HSPA12A: variants seen among roughly 807,000 people sequenced by gnomAD.
The protein encoded by HSPA12A is heat shock protein family A (Hsp70) member 12A.
A neutral mutation model predicts 69.2 loss-of-function variants in HSPA12A; 28 were observed. The observed-to-expected ratio is 0.40, with a 90% confidence interval of 0.30 to 0.55. HSPA12A has a LOEUF of 0.55. Ranked by LOEUF, HSPA12A falls within the 20% of genes least tolerant of loss-of-function variation. HSPA12A has a pLI of 0.38. For synonymous variants in HSPA12A, 345 were observed against 370.5 expected (o/e 0.93, Z 0.79); for missense variants, 686 against 900.7 (o/e 0.76, Z 3.05).
intron 2 of HSPA12A, among the ~76,000 whole-genome samples, chr10:116,785,107 G>A (rs1451997731): frequency 2.6e-5 from 4 of 152,142 alleles, no homozygotes; most frequent in African/African-American, 9.7e-5. Context: ...GCCTTTGGGA[G>A]GGGCGTCCTG....
At chr10:116,816,694 T>G (rs1324857952) in intron 2 of HSPA12A, among the ~76,000 whole-genome samples, 1 of 152,226 alleles carries the variant, frequency 6.6e-6, no homozygotes, top group Non-Finnish European at 1.5e-5. Context: ...CACTCATGAT[T>G]TTTTTAAATG....
At chr10:116,694,684 G>A (rs781925860) in intron 5 of HSPA12A, among the ~76,000 whole-genome samples, 57 of 152,210 alleles carry the variant, frequency 3.7e-4, no homozygotes, top group Non-Finnish European at 7.1e-4. Flanking sequence ...GCCCCTGTGC[G>A]CTCTGCACTC....
intron 1 of HSPA12A, among the ~76,000 whole-genome samples, chr10:116,836,726 T>A (rs1845717067): frequency 6.6e-6 from 1 of 151,968 alleles, no homozygotes; most frequent in South Asian, 2.1e-4. Flanking sequence ...TCTTCCCTGC[T>A]ATATGGTATG....
chr10:116,816,708 T>G (rs1392314806), intron 2 of HSPA12A, among the ~76,000 whole-genome samples: 2 of 151,982 alleles, frequency 1.3e-5, no homozygotes, highest in Non-Finnish European at 2.9e-5. Context: ...TTAAATGGGG[T>G]TTTTCCTTCT....
At chr10:116,795,514 C>T (rs28434402) in intron 2 of HSPA12A, among the ~76,000 whole-genome samples, 4 of 83,238 alleles carry the variant, frequency 4.8e-5, no homozygotes, top group Non-Finnish European at 8.4e-5. Context: ...CCTGCCGCTA[C>T]TAAAAAAAAA....
intron 1 of HSPA12A, among the ~76,000 whole-genome samples, chr10:116,726,940 C>T (rs1589664789): frequency 1.3e-5 from 2 of 152,200 alleles, no homozygotes; most frequent in South Asian, 4.1e-4. Flanking sequence ...TCCCTCAGAT[C>T]TCCATAATTC....
upstream of HSPA12A, among the ~76,000 whole-genome samples, chr10:116,743,005 C>G (rs1235253445): frequency 4.6e-5 from 7 of 152,116 alleles, no homozygotes; most frequent in African/African-American, 1.7e-4. Flanking sequence ...TGTCTGTCCC[C>G]CAGGGTCCCA....
intron 2 of HSPA12A, among the ~76,000 whole-genome samples, chr10:116,794,149 G>A (rs1844764070): frequency 1.3e-5 from 2 of 152,020 alleles, no homozygotes; most frequent in Non-Finnish European, 2.9e-5. Flanking sequence ...AGCTTGCAGT[G>A]AGCCGAGATC....
chr10:116,800,810 T>G (rs1249764549), intron 2 of HSPA12A, among the ~76,000 whole-genome samples: 3 of 152,168 alleles, frequency 2.0e-5, no homozygotes, highest in Admixed American at 6.5e-5. Flanking sequence ...TGAGGAAGAC[T>G]CATCGGAATG....
intron 2 of HSPA12A, among the ~76,000 whole-genome samples, chr10:116,807,980 A>G (rs1219045470): frequency 6.6e-6 from 1 of 152,172 alleles, no homozygotes; most frequent in Non-Finnish European, 1.5e-5. Flanking sequence ...CCTGCCTGCT[A>G]CAGTCTAACA....
chr10:116,782,956 T>C (rs11197819), intron 2 of HSPA12A, among the ~76,000 whole-genome samples: 2,905 of 152,210 alleles, frequency 0.019, 42 homozygotes, highest in Admixed American at 0.036. Context: ...GCCTTAGAAG[T>C]AACCTCAGAG....
chr10:116,703,779 C>T (rs1440921040), intron 3 of HSPA12A, among the ~76,000 whole-genome samples: 13 of 152,184 alleles, frequency 8.5e-5, no homozygotes, highest in African/African-American at 3.1e-4. Flanking sequence ...CCGGGGCCTG[C>T]AGGGTGCTGG....
intron 3 of HSPA12A, among the ~76,000 whole-genome samples, chr10:116,703,840 G>A (rs1228781492): frequency 2.6e-5 from 4 of 152,210 alleles, no homozygotes; most frequent in African/African-American, 7.2e-5. Flanking sequence ...ATCCCAGGAG[G>A]CCCAGGGCAA....
chr10:116,734,465 A>G (rs1554886227), intron 1 of HSPA12A, among the ~76,000 whole-genome samples: 1 of 151,454 alleles, frequency 6.6e-6, no homozygotes, highest in East Asian at 1.9e-4. Context: ...AAAAAAAAAA[A>G]AAGCAAAACC....
rs1243699009 is a variant in HSPA12A, at chr10:116,674,116, C to T, written c.*665G>A. 6.8e-6 allele frequency: 1 copy of T among 147,696 alleles called. No individual in the cohort carries two copies. 9.1% of individuals were successfully genotyped at this position (147,696 alleles called of 1,614,324 possible). On this transcript the variant is annotated 3_prime_UTR_variant, in exon 12 of 12. Coordinates refer to ENST00000369209, the MANE Select transcript of HSPA12A (RefSeq NM_025015.3). ...CTGCTAAGAATGTGAGGTATCAGCT[C>T]TCCTACTCACAAAAGCCCTAGTGGA...
At chr10:116,811,579 T>TAAAAAAAAAAAAAAAAA (rs60912684) in intron 2 of HSPA12A, among the ~76,000 whole-genome samples, 14 of 105,930 alleles carry the variant, frequency 1.3e-4, no homozygotes, top group African/African-American at 4.9e-4. Flanking sequence ...TTGCTTTTGT[T>TAAAAAAAAAAAAAAAAA]AAAAAAAAAA....
chr10:116,744,142 C>A (rs1589680725), upstream of HSPA12A, among the ~76,000 whole-genome samples: 1 of 152,340 alleles, frequency 6.6e-6, no homozygotes, highest in Admixed American at 6.5e-5. Flanking sequence ...TACTCCAGCT[C>A]CAGCTACAGC....
chr10:116,718,227 A>C (rs1365643465), intron 1 of HSPA12A, among the ~76,000 whole-genome samples: 1 of 152,224 alleles, frequency 6.6e-6, no homozygotes, highest in Non-Finnish European at 1.5e-5. Context: ...ACTGAGGCTA[A>C]AGAAAGGGCC....
intron 2 of HSPA12A, among the ~76,000 whole-genome samples, chr10:116,799,488 C>A (rs940538467): frequency 6.6e-6 from 1 of 152,174 alleles, no homozygotes; most frequent in African/African-American, 2.4e-5. Context: ...TATGCATACA[C>A]AAATGTGCAC....
Sources: allele counts gnomAD v4.1 joint callset (sites outside exome capture counted in the v4.1 genomes callset), GRCh38; gene constraint gnomAD v4.1.1; transcripts MANE v1.5; gene names NCBI Gene and HGNC (gene_info 2026-07-23, HGNC 2026-07-21).